The following CAPN9 variants were observed in gnomAD, a reference collection of about 807,000 sequenced individuals.
CAPN9 encodes calpain-9.
Under a neutral mutation model 92.8 loss-of-function variants are expected in CAPN9, and 81 were observed. The observed-to-expected ratio is 0.87, with a 90% CI of 0.73 to 1.05. CAPN9 has a LOEUF of 1.05. Among genes scored for constraint, CAPN9 ranks in the 50% least tolerant of loss-of-function variants. The probability of loss-of-function intolerance (pLI) is 0.00; values close to 1 mark genes in which losing one functional copy is unlikely to be tolerated. For missense variants in CAPN9, 848 were observed against 866.2 expected (o/e 0.98, Z 0.26); for synonymous variants, 304 against 328.0 (o/e 0.93, Z 0.79).
intron 19 of CAPN9, among the ~76,000 whole-genome samples, chr1:230,798,795 T>C (rs2102944618): frequency 6.6e-6 from 1 of 152,216 alleles, no homozygotes; most frequent in East Asian, 1.9e-4. Context: ...GGGAGGTCCA[T>C]GGGCCAGCAG....
intron 12 of CAPN9, 118 bp from the exon 13 acceptor site, chr1:230,787,404 C>G (rs979170380): frequency 1.3e-6 from 1 of 760,946 alleles, no homozygotes; most frequent in African/African-American, 1.8e-5. Context: ...CTTGTGCACA[C>G]TGCCTCAGGA....
intron 14 of CAPN9, among the ~76,000 whole-genome samples, chr1:230,791,103 C>G (rs914977386): frequency 2.0e-5 from 3 of 152,066 alleles, no homozygotes; most frequent in South Asian, 4.1e-4. Context: ...TGGATGGGCC[C>G]TGTTCTGTTT....
At chr1:230,793,432 C>T (rs887426827) in intron 17 of CAPN9, among the ~76,000 whole-genome samples, 3 of 152,218 alleles carry the variant, frequency 2.0e-5, no homozygotes, top group Admixed American at 6.5e-5. Context: ...TGGATGACTG[C>T]ATCATAGTTT....
intron 19 of CAPN9, among the ~76,000 whole-genome samples, chr1:230,799,835 A>T (rs1353038965): frequency 6.6e-6 from 1 of 152,110 alleles, no homozygotes; most frequent in Non-Finnish European, 1.5e-5. Context: ...GGGTTTGAGC[A>T]TGCAGTGAGC....
intron 1 of CAPN9, among the ~76,000 whole-genome samples, chr1:230,750,138 AACG>A (rs1664672780): frequency 6.6e-6 from 1 of 152,112 alleles, no homozygotes; most frequent in African/African-American, 2.4e-5. Flanking sequence ...CATTGCCCCA[AACG>A]CTGGGTGAGG....
chr1:230,800,231 G>GAAAAAAGA (rs1275542783), intron 19 of CAPN9, among the ~76,000 whole-genome samples: 13 of 51,516 alleles, frequency 2.5e-4, no homozygotes, highest in Non-Finnish European at 3.7e-4. Context: ...AAGAAAGAAA[G>GAAAAAAGA]AAGAAAGAAA....
At chr1:230,796,024 T>C (rs988076023) in intron 18 of CAPN9, among the ~76,000 whole-genome samples, 1 of 138,152 alleles carries the variant, frequency 7.2e-6, no homozygotes, top group African/African-American at 3.1e-5. Flanking sequence ...GTATGAATAC[T>C]TGATTAAAAA....
At chr1:230,790,924 C>T (rs1479644880) in intron 14 of CAPN9, among the ~76,000 whole-genome samples, 1 of 152,208 alleles carries the variant, frequency 6.6e-6, no homozygotes, top group East Asian at 1.9e-4. Context: ...GCACTCCAGG[C>T]TGGGCAACAG....
chr1:230,787,883 T>C (rs1667717321), intron 13 of CAPN9, among the ~76,000 whole-genome samples: 1 of 152,132 alleles, frequency 6.6e-6, no homozygotes, highest in Non-Finnish European at 1.5e-5. Context: ...TTAGACAGAG[T>C]CTCACTCTTT....
At chr1:230,774,739 C>CTTTTTTTT (rs747512464) in intron 8 of CAPN9, 108 bp downstream of exon 8, 15 of 386,366 alleles carry the variant, frequency 3.9e-5, no homozygotes, top group Non-Finnish European at 5.5e-5. Flanking sequence ...TTCTTTCTTT[C>CTTTTTTTT]TTTTTTTTTT....
intron 1 of CAPN9, among the ~76,000 whole-genome samples, chr1:230,751,735 T>C (rs1474173100): frequency 6.6e-6 from 1 of 151,742 alleles, no homozygotes. Context: ...TAGAGGAAAG[T>C]GTGTCTTCGG....
chr1:230,750,611 G>T (rs923304476), intron 1 of CAPN9, among the ~76,000 whole-genome samples: 1 of 152,210 alleles, frequency 6.6e-6, no homozygotes, highest in African/African-American at 2.4e-5. Context: ...TGTGGCTTGG[G>T]CATCATTTGC....
Position 230,751,410 on chromosome 1 carries a change from AAAAGAAAGAGAG to A in CAPN9, c.213+3713_213+3724del, listed in dbSNP as rs1426411604. Among the ~76,000 whole-genome samples the A allele has an allele frequency of 9.9e-5, 15 of 151,970 alleles. No individual in the cohort carries two copies. The East Asian group carries it at 1.2e-3, about 12-fold the overall frequency. On this transcript the variant is annotated intron_variant, in intron 1 of 19. Coordinates refer to ENST00000271971, the MANE Select transcript of CAPN9 (RefSeq NM_006615.3). ...GCCATGTGAAAGACAGAATGAATGA[AAAAGAAAGAGAG>A]AAAGAAAGAGAAAAAGAGAGAAGGA... is the stretch of plus-strand genomic sequence containing the variant.
intron 7 of CAPN9, among the ~76,000 whole-genome samples, chr1:230,774,022 C>A (rs1008757714): frequency 6.6e-6 from 1 of 152,196 alleles, no homozygotes; most frequent in Non-Finnish European, 1.5e-5. Context: ...ATCTGCAGGA[C>A]GGGCACACCT....
At position 230,774,715 on chromosome 1, in the gene CAPN9, G is replaced by C. The variant is rs533155250; in HGVS notation, c.953+84G>C. The C allele has an allele frequency of 1.4e-5, 12 of 833,968 alleles. No individual in the cohort carries two copies. In the East Asian group the frequency reaches 3.0e-4, roughly 21 times the overall value. 51.7% of individuals were successfully genotyped at this position (833,968 alleles called of 1,614,324 possible). A position where few individuals can be genotyped will look rare whatever the true frequency, so the allele number is the denominator to read the frequency against. ...GTAAGGAGCACTGTGCTTCTCTCTC[G>C]CTTTCCTTTTTCTTTCTTTCTTTCT... On this transcript the variant is annotated intron_variant, in intron 8 of 19. Transcript: ENST00000271971.
chr1:230,751,896 C>T (rs995123860), intron 1 of CAPN9, among the ~76,000 whole-genome samples: 1 of 151,216 alleles, frequency 6.6e-6, no homozygotes, highest in African/African-American at 2.4e-5. Context: ...TGCGTGCCTC[C>T]CTCGGGGCTT....
intron 7 of CAPN9, among the ~76,000 whole-genome samples, chr1:230,773,299 G>A (rs1357481157): frequency 6.6e-6 from 1 of 152,190 alleles, no homozygotes; most frequent in East Asian, 1.9e-4. Flanking sequence ...GCTGAGATGG[G>A]TTGAGGAGGA....
chr1:230,757,031 A>C (rs1665272725), intron 2 of CAPN9, among the ~76,000 whole-genome samples: 1 of 110,384 alleles, frequency 9.1e-6, no homozygotes, highest in South Asian at 2.8e-4. Context: ...GAAGGAAGGA[A>C]GGAAGGAAGG....
chr1:230,771,941 G>T (rs1254876243), intron 6 of CAPN9, 73 bp from the exon 7 acceptor site: 4 of 1,207,916 alleles, frequency 3.3e-6, no homozygotes, highest in Admixed American at 1.7e-5. Flanking sequence ...TCCACCTGGA[G>T]CTCATAGATG....
Sources: allele counts gnomAD v4.1 joint callset (sites outside exome capture counted in the v4.1 genomes callset), GRCh38; gene constraint gnomAD v4.1.1; transcripts MANE v1.5; gene names NCBI Gene and HGNC (gene_info 2026-07-23, HGNC 2026-07-21).